ROBO2: variants seen among roughly 807,000 people sequenced by gnomAD.
ROBO2 encodes the protein roundabout homolog 2.
Under a neutral mutation model 160.8 loss-of-function variants are expected in ROBO2, and 53 were observed. That is an observed-to-expected ratio of 0.33 (90% CI 0.26 to 0.41). The LOEUF is 0.41. Ranked by LOEUF, ROBO2 falls within the 10% of genes least tolerant of loss-of-function variation. ROBO2 has a pLI of 1.00. For missense variants in ROBO2, 1,577 were observed against 1,722.4 expected (o/e 0.92, Z 1.49); for synonymous variants, 664 against 611.7 (o/e 1.09, Z -1.26).
intron 2 of ROBO2, among the ~76,000 whole-genome samples, chr3:76,950,862 G>A (rs892581820): frequency 6.6e-6 from 1 of 152,122 alleles, no homozygotes. Flanking sequence ...GAGTAGCTGG[G>A]ACTACAGGTG....
At chr3:76,976,911 C>T (rs866674605) in intron 2 of ROBO2, among the ~76,000 whole-genome samples, 5,968 of 152,128 alleles carry the variant, frequency 0.039, 405 homozygotes, top group African/African-American at 0.14. Context: ...AATTATTAAA[C>T]CTGAATTTAA....
intron 6 of ROBO2, among the ~76,000 whole-genome samples, 166 bp from the exon 8 acceptor site, chr3:77,546,172 A>G (rs978265526): frequency 1.3e-5 from 2 of 152,198 alleles, no homozygotes; most frequent in Non-Finnish European, 2.9e-5. Flanking sequence ...ATTGGATTGA[A>G]TATAATGTCT....
At chr3:77,400,552 G>A (rs974260572) in intron 2 of ROBO2, among the ~76,000 whole-genome samples, 5 of 152,080 alleles carry the variant, frequency 3.3e-5, no homozygotes, top group African/African-American at 1.2e-4. Context: ...GTGTATAACC[G>A]TACAAGTAAT....
intron 7 of ROBO2, among the ~76,000 whole-genome samples, chr3:77,550,241 G>A (rs934506670): frequency 2.6e-5 from 4 of 151,910 alleles, no homozygotes; most frequent in African/African-American, 9.7e-5. Flanking sequence ...TTAAATTGTA[G>A]CATTTGTTTA....
intron 2 of ROBO2, among the ~76,000 whole-genome samples, chr3:77,350,755 G>A (rs11127587): frequency 0.78 from 118,798 of 152,038 alleles, 47,166 homozygotes; most frequent in Non-Finnish European, 0.86. Context: ...GGCAATGGGA[G>A]GGGCACTTGT....
intron 2 of ROBO2, among the ~76,000 whole-genome samples, chr3:76,036,794 G>C (rs1364041723): frequency 6.6e-6 from 1 of 152,004 alleles, no homozygotes; most frequent in East Asian, 1.9e-4. Flanking sequence ...ATGAGCCACT[G>C]TGCCCGGCCA....
intron 2 of ROBO2, among the ~76,000 whole-genome samples, chr3:77,269,249 T>C (rs567831714): frequency 1.6e-4 from 25 of 152,292 alleles, no homozygotes; most frequent in African/African-American, 6.0e-4. Context: ...ACTAGTCTTA[T>C]CAACATGGAT....
chr3:76,517,616 A>G (rs2081405623), intron 2 of ROBO2, among the ~76,000 whole-genome samples: 1 of 152,218 alleles, frequency 6.6e-6, no homozygotes, highest in South Asian at 2.1e-4. Context: ...ATGTTATATC[A>G]ATTAACCCAT....
chr3:76,271,011 A>G (rs1031347665), intron 2 of ROBO2, among the ~76,000 whole-genome samples: 7 of 152,122 alleles, frequency 4.6e-5, no homozygotes, highest in Non-Finnish European at 7.4e-5. Flanking sequence ...CTTTATACCT[A>G]TACAAAGTGT....
At chr3:76,712,175 A>G (rs1297820560) in intron 2 of ROBO2, among the ~76,000 whole-genome samples, 1 of 152,212 alleles carries the variant, frequency 6.6e-6, no homozygotes, top group Non-Finnish European at 1.5e-5. Flanking sequence ...AGGTTTATAT[A>G]TTAGTTCTTA....
intron 2 of ROBO2, among the ~76,000 whole-genome samples, chr3:76,234,610 T>G (rs1704825541): frequency 1.3e-5 from 2 of 152,212 alleles, no homozygotes; most frequent in African/African-American, 4.8e-5. Flanking sequence ...ATTGTGGTTT[T>G]GATTTGTATT....
rs1294595998 is a variant in ROBO2, at chr3:77,292,840, C to T, written c.389-184574C>T. 7.6e-5 allele frequency among the ~76,000 whole-genome samples: 11 copies of T among 145,628 alleles called. 1 individual carries two copies. Among genetic ancestry groups the T allele is most frequent in the Admixed American group, 4.2e-4 (6 of 14,454 alleles). On this transcript the variant is annotated intron_variant, in intron 2 of 25. Transcript: ENST00000461745. ...ATATAAAGTAAAACTGACGGTTAAA[C>T]GGGTAAGCTGAGGCTAGATCACTAA...
chr3:76,698,505 A>C (rs1238562729), intron 2 of ROBO2, among the ~76,000 whole-genome samples: 81 of 152,132 alleles, frequency 5.3e-4, no homozygotes, highest in Non-Finnish European at 2.9e-5. Context: ...GCAGTGCTGG[A>C]AAGAGATATG....
intron 2 of ROBO2, among the ~76,000 whole-genome samples, chr3:76,466,276 A>G (rs3913578): frequency 0.2 from 30,771 of 151,602 alleles, 3,362 homozygotes; most frequent in Admixed American, 0.28. Flanking sequence ...AGGAAGAATT[A>G]TTAATACCTG....
At chr3:75,961,964 C>G (rs1948930788) in intron 2 of ROBO2, among the ~76,000 whole-genome samples, 1 of 150,954 alleles carries the variant, frequency 6.6e-6, no homozygotes, top group Admixed American at 6.7e-5. Context: ...TGCTCTTGCT[C>G]TGACTTATAT....
chr3:77,178,933 C>T (rs553157542), intron 2 of ROBO2, among the ~76,000 whole-genome samples: 3 of 152,100 alleles, frequency 2.0e-5, no homozygotes, highest in Admixed American at 6.6e-5. Context: ...CAGTTGAATA[C>T]TGATATGATT....
intron 2 of ROBO2, among the ~76,000 whole-genome samples, chr3:76,810,819 T>A (rs2065102015): frequency 6.6e-6 from 1 of 152,154 alleles, no homozygotes; most frequent in Non-Finnish European, 1.5e-5. Context: ...AGACTGGCAT[T>A]TGAAATTAAG....
chr3:76,811,141 A>G (rs1029762257), intron 2 of ROBO2, among the ~76,000 whole-genome samples: 2 of 152,138 alleles, frequency 1.3e-5, no homozygotes, highest in Admixed American at 6.5e-5. Flanking sequence ...AGTTTGGGAA[A>G]AGACTATCTT....
chr3:76,032,546 G>T (rs1475979828), intron 2 of ROBO2, among the ~76,000 whole-genome samples: 1 of 152,082 alleles, frequency 6.6e-6, no homozygotes, highest in African/African-American at 2.4e-5. Flanking sequence ...CAGAAATTCT[G>T]GTATGTTGTG....
Sources: gnomAD v4.1 joint callset for allele counts (sites outside exome capture counted in the v4.1 genomes callset) on GRCh38, gnomAD v4.1.1 for gene constraint, MANE v1.5 for transcripts, NCBI Gene and HGNC (gene_info 2026-07-23, HGNC 2026-07-21) for gene names.